Variants in GPC5 observed in about 807,000 individuals in gnomAD.
GPC5 encodes glypican-5.
A neutral mutation model predicts 53.9 loss-of-function variants in GPC5; 47 were observed. The ratio of observed to expected loss-of-function variants is 0.87; its 90% CI spans 0.69 to 1.11. GPC5 has a LOEUF of 1.11. Ranked by LOEUF, GPC5 falls within the 50% of genes most tolerant of loss-of-function variation. The probability of loss-of-function intolerance (pLI) is 0.00; values close to 1 mark genes in which losing one functional copy is unlikely to be tolerated. For synonymous variants in GPC5, 286 were observed against 263.3 expected, an observed-to-expected ratio of 1.09 and a Z score of -0.84; for missense variants, 748 against 713.1, an observed-to-expected ratio of 1.05 and a Z score of -0.56.
chr13:92,136,807 T>C (rs1213019381), intron 6 of GPC5, among the ~76,000 whole-genome samples: 1 of 152,240 alleles, frequency 6.6e-6, no homozygotes, highest in Non-Finnish European at 1.5e-5. Context: ...AAATATGGGA[T>C]ATTGCCAGAC....
intron 6 of GPC5, among the ~76,000 whole-genome samples, chr13:91,945,810 G>C (rs1354369763): frequency 6.6e-6 from 1 of 152,004 alleles, no homozygotes; most frequent in Admixed American, 6.5e-5. Context: ...TTCCCTGTTT[G>C]CCACCAACCT....
At chr13:91,619,783 GCACATTTT>G (rs1366110470) in intron 2 of GPC5, among the ~76,000 whole-genome samples, 2 of 152,120 alleles carry the variant, frequency 1.3e-5, no homozygotes, top group Non-Finnish European at 2.9e-5. Flanking sequence ...GTGGATCTCT[GCACATTTT>G]CTTTTCCAGT....
chr13:92,014,198 C>G (rs1232404756), intron 6 of GPC5, among the ~76,000 whole-genome samples: 1 of 151,992 alleles, frequency 6.6e-6, no homozygotes, highest in Non-Finnish European at 1.5e-5. Flanking sequence ...ATGCATAAGC[C>G]CATGATGTAA....
At chr13:92,729,479 A>G (rs371414506) in intron 7 of GPC5, among the ~76,000 whole-genome samples, 4 of 151,458 alleles carry the variant, frequency 2.6e-5, no homozygotes, top group African/African-American at 9.7e-5. Context: ...GTTAAATGAA[A>G]CATATTAAGA....
chr13:91,571,279 C>T (rs2031767727), intron 2 of GPC5, among the ~76,000 whole-genome samples: 2 of 152,072 alleles, frequency 1.3e-5, no homozygotes, highest in Admixed American at 1.3e-4. Flanking sequence ...TTGCTAATTC[C>T]TTGAAATGTT....
intron 2 of GPC5, among the ~76,000 whole-genome samples, chr13:91,668,771 C>A (rs1052689933): frequency 6.6e-6 from 1 of 152,064 alleles, no homozygotes; most frequent in Admixed American, 6.5e-5. Context: ...GTGCAAAAAC[C>A]TTTAGCACCC....
At chr13:92,638,289 G>C (rs1411830624) in intron 7 of GPC5, among the ~76,000 whole-genome samples, 1 of 152,046 alleles carries the variant, frequency 6.6e-6, no homozygotes, top group Non-Finnish European at 1.5e-5. Flanking sequence ...TTTGAGACAA[G>C]TCTACATAAA....
intron 6 of GPC5, among the ~76,000 whole-genome samples, chr13:92,082,366 A>G (rs2041302860): frequency 6.6e-6 from 1 of 152,164 alleles, no homozygotes; most frequent in Non-Finnish European, 1.5e-5. Flanking sequence ...AAGGCAATAT[A>G]GTTCAAGTTT....
At chr13:91,949,855 T>A (rs2040009771) in intron 6 of GPC5, among the ~76,000 whole-genome samples, 1 of 152,200 alleles carries the variant, frequency 6.6e-6, no homozygotes, top group Non-Finnish European at 1.5e-5. Flanking sequence ...ACTATAAATG[T>A]GTATTTGCTC....
intron 7 of GPC5, among the ~76,000 whole-genome samples, chr13:92,440,319 G>A (rs1246702643): frequency 1.3e-5 from 2 of 152,048 alleles, no homozygotes; most frequent in Admixed American, 6.6e-5. Context: ...AGGGCCCAAT[G>A]TTTAGCTCCC....
intron 6 of GPC5, among the ~76,000 whole-genome samples, chr13:91,953,421 G>T (rs919130527): frequency 1.3e-5 from 2 of 152,034 alleles, no homozygotes; most frequent in East Asian, 1.9e-4. Context: ...TGAGGATAAA[G>T]CTGAAATTGT....
chr13:91,844,897 G>T (rs1271873615), intron 5 of GPC5, among the ~76,000 whole-genome samples: 1 of 151,796 alleles, frequency 6.6e-6, no homozygotes, highest in East Asian at 1.9e-4. Context: ...AGCTAATTTT[G>T]CTGTGTGTAT....
At chr13:92,038,833 C>T (rs763858433) in intron 6 of GPC5, among the ~76,000 whole-genome samples, 1 of 151,980 alleles carries the variant, frequency 6.6e-6, no homozygotes, top group Non-Finnish European at 1.5e-5. Context: ...ACAGTCAGGA[C>T]CCCAGGAAGC....
At chr13:92,020,416 C>T (rs538077802) in intron 6 of GPC5, among the ~76,000 whole-genome samples, 191 of 152,208 alleles carry the variant, frequency 1.3e-3, no homozygotes, top group African/African-American at 4.4e-3. Flanking sequence ...ATAGCTGTTA[C>T]ACCAATTTAC....
intron 5 of GPC5, among the ~76,000 whole-genome samples, chr13:91,903,326 G>A (rs2039518530): frequency 6.6e-6 from 1 of 152,000 alleles, no homozygotes; most frequent in Non-Finnish European, 1.5e-5. Flanking sequence ...TGTCCAGTTT[G>A]TGGTTATTTT....
chr13:92,698,531 G>T (rs1234934621), intron 7 of GPC5, among the ~76,000 whole-genome samples: 2 of 152,274 alleles, frequency 1.3e-5, no homozygotes, highest in Non-Finnish European at 1.5e-5. Flanking sequence ...ATTCCATGAT[G>T]TATATGTGCC....
chr13:91,948,857 T>C (rs964793008), intron 6 of GPC5, among the ~76,000 whole-genome samples: 1 of 152,224 alleles, frequency 6.6e-6, no homozygotes, highest in Non-Finnish European at 1.5e-5. Context: ...GCAATTTTAG[T>C]ATGCTTTGTT....
At chr13:92,751,678 A>G (rs969343849) in intron 7 of GPC5, among the ~76,000 whole-genome samples, 2 of 152,292 alleles carry the variant, frequency 1.3e-5, no homozygotes, top group Admixed American at 6.5e-5. Flanking sequence ...GCACAGCAAC[A>G]TGGCACATGT....
chr13:91,616,634 A>G lies in GPC5; in HGVS notation c.326-76553A>G, dbSNP rs555863051. Among the ~76,000 whole-genome samples the G allele has an allele frequency of 6.3e-4, 96 of 152,222 alleles. 1 individual carries two copies. In the Middle Eastern group the frequency reaches 0.017, roughly 27 times the overall value. On this transcript the variant is annotated intron_variant, in intron 2 of 7. Transcript: ENST00000377067. ...TTTCTGATTTCAGTGTCACTTTTAAACATTTAAGCTCAACAATTTTGTCAA... is the reference window on the plus strand; with the variant it reads ...TTTCTGATTTCAGTGTCACTTTTAAGCATTTAAGCTCAACAATTTTGTCAA...
Sources: gnomAD v4.1 joint callset for allele counts (sites outside exome capture counted in the v4.1 genomes callset) on GRCh38, gnomAD v4.1.1 for gene constraint, MANE v1.5 for transcripts, NCBI Gene and HGNC (gene_info 2026-07-23, HGNC 2026-07-21) for gene names.